Variants in CTNNB1 observed in about 807,000 individuals in gnomAD.
CTNNB1 encodes catenin beta-1.
CTNNB1 carries 6 observed loss-of-function variants against 82.5 expected under a neutral mutation model. The observed-to-expected ratio is 0.07, with a 90% CI of 0.04 to 0.14. The LOEUF is 0.14. Among genes scored for constraint, CTNNB1 ranks in the 10% least tolerant of loss-of-function variants. The probability of loss-of-function intolerance (pLI) is 1.00; values close to 1 mark genes in which losing one functional copy is unlikely to be tolerated. For synonymous variants in CTNNB1, 312 were observed against 329.7 expected (o/e 0.95, Z 0.58); for missense variants, 529 against 980.4 (o/e 0.54, Z 6.15).
intron 1 of CTNNB1, among the ~76,000 whole-genome samples, chr3:41,200,878 TC>T (rs372869852): frequency 1.3e-5 from 2 of 152,148 alleles, no homozygotes; most frequent in Admixed American, 6.5e-5. Flanking sequence ...TCTGTGGTCT[TC>T]CCCCCACCCC....
rs901988264 is a variant in CTNNB1, at chr3:41,222,805, A to G, written c.-48-1216A>G. Reference sequence around the variant, plus strand: ...GTTTCTGAGTCTGTTGACATTGGCCAAAGGAGAAGCTCAGTGTAGAACATG... The same window carrying G: ...GTTTCTGAGTCTGTTGACATTGGCCGAAGGAGAAGCTCAGTGTAGAACATG... On this transcript the variant is annotated intron_variant, in intron 1 of 14. Coordinates refer to ENST00000349496, the MANE Select transcript of CTNNB1 (RefSeq NM_001904.4). Among the ~76,000 whole-genome samples the G allele has an allele frequency of 9.2e-5, 14 of 152,356 alleles. No individual in the cohort carries two copies. The South Asian group carries it at 1.4e-3, about 16-fold the overall frequency.
chr3:41,232,120 A>C (rs1043436360), intron 7 of CTNNB1, among the ~76,000 whole-genome samples: 2 of 151,874 alleles, frequency 1.3e-5, no homozygotes, highest in Non-Finnish European at 2.9e-5. Flanking sequence ...GGTGCCACAG[A>C]GTCATCTGTA....
At chr3:41,236,942 A>G (rs1171754575) in intron 13 of CTNNB1, 4 of 604,990 alleles carry the variant, frequency 6.6e-6, no homozygotes, top group Middle Eastern at 4.3e-4. Context: ...ATTATAATTC[A>G]TAAGGGAGAA....
At chr3:41,239,037 G>A in intron 14 of CTNNB1, 97 bp from the exon 15 acceptor site, 1 of 1,020,326 alleles carries the variant, frequency 9.8e-7, no homozygotes, top group African/African-American at 1.6e-5. Flanking sequence ...GCTGAACTTT[G>A]GATGCCCTAA....
rs1403316388 is a variant in CTNNB1, at chr3:41,239,394, T to C, written c.*52T>C. On this transcript the variant is annotated 3_prime_UTR_variant, in exon 15 of 15. Transcript: ENST00000349496. ...AAAGCCAGTTTGGGTAAAATACTTT[T>C]ACTCTGCCTACAGAACTTCAGAAAG... 1.3e-6 allele frequency: 2 copies of C among 1,497,988 alleles called. No individual in the cohort carries two copies. The highest frequency in any genetic ancestry group is 2.8e-5 in the African/African-American group (2 of 72,684). 92.8% of individuals were successfully genotyped at this position (1,497,988 alleles called of 1,614,324 possible).
intron 1 of CTNNB1, among the ~76,000 whole-genome samples, chr3:41,211,442 A>G (rs1559458724): frequency 2.0e-5 from 3 of 152,200 alleles, no homozygotes; most frequent in South Asian, 4.1e-4. Flanking sequence ...TAGAAAGAGT[A>G]TATCGTATGA....
At chr3:41,233,929 T>C (rs1244653271) in intron 9 of CTNNB1, 62 bp downstream of exon 9, 3 of 1,555,802 alleles carry the variant, frequency 1.9e-6, no homozygotes, top group Non-Finnish European at 2.7e-6. Context: ...TCTCTAGCTG[T>C]TGGATGGCTG....
rs1222912683 is a variant in CTNNB1, at chr3:41,239,984, CTCTTTT to C, written c.*644_*649del. 4 of 58,970 alleles carry C rather than the reference CTCTTTT, an allele frequency of 6.8e-5. No homozygotes were observed. Among genetic ancestry groups the C allele is most frequent in the African/African-American group, 3.6e-4 (4 of 11,102 alleles). 3.7% of individuals were successfully genotyped at this position (58,970 alleles called of 1,614,324 possible). A position where few individuals can be genotyped will look rare whatever the true frequency, so the allele number is the denominator to read the frequency against. Reference sequence around the variant, plus strand: ...ACTGACTTTGCTTGCTTTGAAGTAGCTCTTTTTTTTTTTTTTTTTTTTTTTTTGCAG... The same window carrying C: ...ACTGACTTTGCTTGCTTTGAAGTAGCTTTTTTTTTTTTTTTTTTTTTGCAG... On this transcript the variant is annotated 3_prime_UTR_variant, in exon 15 of 15. Coordinates refer to ENST00000349496, the MANE Select transcript of CTNNB1 (RefSeq NM_001904.4).
intron 1 of CTNNB1, among the ~76,000 whole-genome samples, chr3:41,215,477 A>G (rs2125602011): frequency 6.6e-6 from 1 of 151,040 alleles, no homozygotes; most frequent in South Asian, 2.1e-4. Flanking sequence ...TCTCCTGTTC[A>G]CATTTTGAGC....
intron 1 of CTNNB1, among the ~76,000 whole-genome samples, chr3:41,207,385 C>T (rs2077673077): frequency 6.6e-6 from 1 of 152,166 alleles, no homozygotes; most frequent in African/African-American, 2.4e-5. Flanking sequence ...CATTATGCTG[C>T]AGATTCTATT....
intron 1 of CTNNB1, among the ~76,000 whole-genome samples, chr3:41,215,630 C>T (rs961284757): frequency 6.6e-6 from 1 of 152,014 alleles, no homozygotes; most frequent in African/African-American, 2.4e-5. Context: ...TTTAAAATTT[C>T]TTTCTTTAAA....
At chr3:41,233,903 A>C (rs2078368351) in intron 9 of CTNNB1, 36 bp downstream of exon 9, 1 of 1,604,124 alleles carries the variant, frequency 6.2e-7, no homozygotes, top group Non-Finnish European at 8.5e-7. Flanking sequence ...TTTGTTGCAG[A>C]ATTGAAAATG....
chr3:41,219,796 T>C (rs1302186139), intron 1 of CTNNB1, among the ~76,000 whole-genome samples: 2 of 152,178 alleles, frequency 1.3e-5, no homozygotes, highest in Non-Finnish European at 2.9e-5. Context: ...TTTCTAGAAC[T>C]TCTGGTGATA....
At chr3:41,234,496 T>C in intron 10 of CTNNB1, 199 bp downstream of exon 10, 1 of 620,800 alleles carries the variant, frequency 1.6e-6, no homozygotes, top group South Asian at 1.9e-5. Context: ...TGATATTTCC[T>C]TGGACACGTC....
intron 14 of CTNNB1, among the ~76,000 whole-genome samples, chr3:41,238,670 T>C (rs968984370): frequency 2.0e-5 from 3 of 152,224 alleles, no homozygotes; most frequent in Non-Finnish European, 1.5e-5. Flanking sequence ...TTCATGGAAA[T>C]AGTGCCTTTC....
rs751139724 is a variant in CTNNB1, at chr3:41,235,826, A to G, written c.1786A>G (p.Ile596Val). The G allele has an allele frequency of 4.3e-6, 7 of 1,613,980 alleles. No individual in the cohort carries two copies. The highest frequency in any genetic ancestry group is 1.1e-5 in the South Asian group (1 of 91,092). Residue 596 changes from isoleucine to valine, a missense_variant, in exon 11 of 15, where the codon ATT becomes GTT. Around this residue, in one of 4 missense-constraint regions of CTNNB1, gnomAD observed 411 missense variants for 776.4 expected, o/e 0.53. Coordinates refer to ENST00000349496, the MANE Select transcript of CTNNB1 (RefSeq NM_001904.4). The part of the protein sequence containing the change: ...NRIVIRGLNT[I>V]PLFVQLLYSP... ...AATTGTTATCAGAGGACTAAATACC[A>G]TTCCATTGTTTGTGCAGGTATGTTT...
intron 7 of CTNNB1, among the ~76,000 whole-genome samples, chr3:41,228,785 A>G (rs547338339): frequency 2.2e-4 from 34 of 152,298 alleles, no homozygotes; most frequent in African/African-American, 8.2e-4. Context: ...CATCTTCGTC[A>G]TGAAATCTTT....
chr3:41,203,035 CTTTT>C (rs34745712), intron 1 of CTNNB1, among the ~76,000 whole-genome samples: 103 of 136,694 alleles, frequency 7.5e-4, no homozygotes, highest in Admixed American at 1.1e-3. Context: ...GGTTTAGCCA[CTTTT>C]TTTTTTTTTT....
intron 1 of CTNNB1, among the ~76,000 whole-genome samples, chr3:41,215,680 C>T (rs966587300): frequency 6.6e-6 from 1 of 152,084 alleles, no homozygotes; most frequent in Non-Finnish European, 1.5e-5. Context: ...GAAACTCTTA[C>T]AACACGTCGA....
Sources: allele counts gnomAD v4.1 joint callset (sites outside exome capture counted in the v4.1 genomes callset), GRCh38; gene constraint gnomAD v4.1.1; regional missense constraint gnomAD v4.1.1; transcripts MANE v1.5; gene names NCBI Gene and HGNC (gene_info 2026-07-23, HGNC 2026-07-21).